The following CNTNAP2 variants were observed in gnomAD, a reference collection of about 807,000 sequenced individuals.
CNTNAP2 encodes contactin-associated protein-like 2.
Under a neutral mutation model 155.2 loss-of-function variants are expected in CNTNAP2, and 98 were observed. The ratio of observed to expected loss-of-function variants is 0.63; its 90% confidence interval spans 0.54 to 0.75. The LOEUF is 0.75. CNTNAP2 is among the 30% of genes least tolerant of loss of function. The probability of loss-of-function intolerance (pLI) is 0.00; values close to 1 mark genes in which losing one functional copy is unlikely to be tolerated. For missense variants in CNTNAP2, 1,727 were observed against 1,688.1 expected (o/e 1.02, Z -0.40); for synonymous variants, 651 against 631.2 (o/e 1.03, Z -0.47).
At chr7:146,651,374 C>A (rs1291843825) in intron 1 of CNTNAP2, among the ~76,000 whole-genome samples, 1 of 152,084 alleles carries the variant, frequency 6.6e-6, no homozygotes, top group East Asian at 1.9e-4. Flanking sequence ...GGTCACTCAA[C>A]CTTGTTAGTA....
At chr7:147,532,796 C>A (rs1195952319) in intron 11 of CNTNAP2, among the ~76,000 whole-genome samples, 1 of 152,140 alleles carries the variant, frequency 6.6e-6, no homozygotes, top group Non-Finnish European at 1.5e-5. Flanking sequence ...ATAAACCCAT[C>A]AGATCTCATG....
intron 3 of CNTNAP2, among the ~76,000 whole-genome samples, chr7:147,030,608 T>C (rs1799011649): frequency 6.6e-6 from 1 of 152,216 alleles, no homozygotes; most frequent in South Asian, 2.1e-4. Context: ...ACTCTCCCTT[T>C]ATACTTTTAT....
chr7:148,256,142 G>T (rs1038176739), intron 20 of CNTNAP2, among the ~76,000 whole-genome samples: 4 of 152,102 alleles, frequency 2.6e-5, no homozygotes, highest in Non-Finnish European at 4.4e-5. Context: ...TCTCAAAATG[G>T]AAAGTGAGAG....
chr7:146,321,215 A>C (rs1345034457), intron 1 of CNTNAP2, among the ~76,000 whole-genome samples: 1 of 152,100 alleles, frequency 6.6e-6, no homozygotes, highest in South Asian at 2.1e-4. Flanking sequence ...AATAAAACAA[A>C]CCCCAAGTTA....
chr7:147,026,696 A>C (rs1373348365), intron 3 of CNTNAP2, among the ~76,000 whole-genome samples: 1 of 151,950 alleles, frequency 6.6e-6, no homozygotes, highest in Non-Finnish European at 1.5e-5. Context: ...TATTTTCCAA[A>C]GAGAACTTGA....
chr7:147,780,738 T>G (rs1057050252), intron 13 of CNTNAP2, among the ~76,000 whole-genome samples: 10 of 152,140 alleles, frequency 6.6e-5, no homozygotes, highest in African/African-American at 2.4e-4. Flanking sequence ...TCCTAGCAAA[T>G]AAATAGGGTT....
At chr7:146,476,700 A>G (rs1796881914) in intron 1 of CNTNAP2, among the ~76,000 whole-genome samples, 1 of 152,192 alleles carries the variant, frequency 6.6e-6, no homozygotes, top group Non-Finnish European at 1.5e-5. Context: ...TGGTTTAAAT[A>G]AGACTATATA....
chr7:146,170,428 GC>G (rs1798373545), intron 1 of CNTNAP2, among the ~76,000 whole-genome samples: 1 of 151,948 alleles, frequency 6.6e-6, no homozygotes, highest in Non-Finnish European at 1.5e-5. Context: ...TTCTTCACAT[GC>G]TTGCCAACAT....
At chr7:147,197,453 T>C (rs1466937051) in intron 8 of CNTNAP2, among the ~76,000 whole-genome samples, 5 of 151,944 alleles carry the variant, frequency 3.3e-5, no homozygotes, top group African/African-American at 1.2e-4. Context: ...CAAGAACCTG[T>C]ACATCCTCCA....
intron 13 of CNTNAP2, among the ~76,000 whole-genome samples, chr7:147,898,629 C>G: frequency 6.6e-6 from 1 of 152,070 alleles, no homozygotes; most frequent in African/African-American, 2.4e-5. Flanking sequence ...TAGTGATTCT[C>G]CTGCCTCAGC....
At chr7:148,320,250 G>GT (rs1797766072) in intron 21 of CNTNAP2, among the ~76,000 whole-genome samples, 1 of 152,022 alleles carries the variant, frequency 6.6e-6, no homozygotes, top group Admixed American at 6.6e-5. Context: ...GAATATGTCA[G>GT]TCTCATTCTC....
intron 21 of CNTNAP2, among the ~76,000 whole-genome samples, chr7:148,308,884 A>G (rs569977626): frequency 6.6e-5 from 10 of 152,232 alleles, no homozygotes; most frequent in African/African-American, 2.4e-4. Context: ...GCTTCATCCA[A>G]GTCCCTGCAA....
chr7:147,286,142 G>C (rs1448687203), intron 8 of CNTNAP2, among the ~76,000 whole-genome samples: 1 of 151,956 alleles, frequency 6.6e-6, no homozygotes, highest in African/African-American at 2.4e-5. Flanking sequence ...CAGAGGAATT[G>C]ATTTGAATGT....
At chr7:146,565,128 A>C (rs1798337719) in intron 1 of CNTNAP2, among the ~76,000 whole-genome samples, 1 of 151,860 alleles carries the variant, frequency 6.6e-6, no homozygotes, top group Non-Finnish European at 1.5e-5. Flanking sequence ...GACATTTGTA[A>C]AGTTAAACAC....
intron 1 of CNTNAP2, among the ~76,000 whole-genome samples, chr7:146,634,185 A>G (rs1442579264): frequency 1.3e-5 from 2 of 152,208 alleles, no homozygotes. Flanking sequence ...GCTGTTCACT[A>G]TGAGATTACA....
At chr7:148,285,153 G>C (rs1797057518) in intron 21 of CNTNAP2, among the ~76,000 whole-genome samples, 4 of 152,232 alleles carry the variant, frequency 2.6e-5, no homozygotes, top group Non-Finnish European at 5.9e-5. Context: ...AGCATGGCTA[G>C]ATTTTGAATG....
At chr7:147,552,819 T>A (rs913391992) in intron 11 of CNTNAP2, among the ~76,000 whole-genome samples, 4 of 152,176 alleles carry the variant, frequency 2.6e-5, no homozygotes, top group Non-Finnish European at 4.4e-5. Flanking sequence ...TCTGCCTTTT[T>A]CTAGGTGAGC....
chr7:147,447,690 G>C (rs991934472), intron 10 of CNTNAP2, among the ~76,000 whole-genome samples: 4 of 152,112 alleles, frequency 2.6e-5, no homozygotes, highest in Admixed American at 2.6e-4. Flanking sequence ...AAAGTGCTGG[G>C]ATTACAGGCA....
At chr7:148,165,180 C>A (rs1298059135) in intron 17 of CNTNAP2, among the ~76,000 whole-genome samples, 2 of 152,164 alleles carry the variant, frequency 1.3e-5, no homozygotes, top group African/African-American at 4.8e-5. Context: ...TCTTCTGAGG[C>A]TTCTCTTCTT....
Sources: allele counts gnomAD v4.1 joint callset (sites outside exome capture counted in the v4.1 genomes callset), GRCh38; gene constraint gnomAD v4.1.1; transcripts MANE v1.5; gene names NCBI Gene and HGNC (gene_info 2026-07-23, HGNC 2026-07-21).